The following SEPTIN2 variants were observed in gnomAD, a reference collection of about 807,000 sequenced individuals.
The protein encoded by SEPTIN2 is septin-2.
Under a neutral mutation model 46.5 loss-of-function variants are expected in SEPTIN2, and 34 were observed. The observed-to-expected ratio is 0.73, with a 90% CI of 0.56 to 0.97. The LOEUF is 0.97. Ranked by LOEUF, SEPTIN2 falls within the 50% of genes least tolerant of loss-of-function variation. SEPTIN2 has a pLI of 0.00. For synonymous variants in SEPTIN2, 175 were observed against 153.4 expected, an observed-to-expected ratio of 1.14 and a Z score of -1.04; for missense variants, 347 against 448.4, an observed-to-expected ratio of 0.77 and a Z score of 2.04.
chr2:241,343,828 A>C lies in SEPTIN2; in HGVS notation c.773A>C (p.Tyr258Ser). 2 of 1,614,150 alleles carry C rather than the reference A, an allele frequency of 1.2e-6. No individual in the cohort carries two copies. The highest frequency in any genetic ancestry group is 1.7e-6 in the Non-Finnish European group (2 of 1,180,020). The change falls in exon 9 of 13, where the codon TAC (tyrosine) becomes TCC (serine). Residue 258 changes from tyrosine (Y) to serine (S), a missense_variant. Coordinates refer to ENST00000391971, the MANE Select transcript of SEPTIN2 (RefSeq NM_004404.5). ...AKGKKVRGRL[Y>S]PWGVVEVENP... ...GGAAAGAAGGTCAGAGGCCGCCTCT[A>C]CCCCTGGGGTGTTGTGGAAGTGGAG... is the stretch of plus-strand genomic sequence containing the variant.
chr2:241,335,226 T>A lies in SEPTIN2; in HGVS notation c.217+14T>A. 2.5e-6 allele frequency: 4 copies of A among 1,609,860 alleles called. No individual in the cohort carries two copies. Among genetic ancestry groups the A allele is most frequent in the East Asian group, 2.2e-5 (1 of 44,864 alleles). On this transcript the variant is annotated intron_variant, in intron 4 of 12. Transcript: ENST00000391971. ...CTGGAGCAGCAGGTAAAAACATTCT[T>A]ATGTTACTGTAAGTGTAATTCTACA...
chr2:241,317,861 G>T (rs1055566171), intron 1 of SEPTIN2, among the ~76,000 whole-genome samples: 1 of 152,138 alleles, frequency 6.6e-6, no homozygotes, highest in African/African-American at 2.4e-5. Flanking sequence ...TGTGGGTCAA[G>T]ATTAAAGAAC....
intron 1 of SEPTIN2, chr2:241,316,659 A>T (rs1262431329): frequency 2.6e-6 from 2 of 777,526 alleles, no homozygotes; most frequent in Non-Finnish European, 3.8e-6. Context: ...TGGAGTCCCA[A>T]CTGTGACCTG....
intron 10 of SEPTIN2, among the ~76,000 whole-genome samples, chr2:241,347,594 T>G (rs2060376018): frequency 6.6e-6 from 1 of 152,232 alleles, no homozygotes; most frequent in Non-Finnish European, 1.5e-5. Context: ...AGATAATACC[T>G]ATTTTTGAGT....
In SEPTIN2 at chr2:241,336,065, C is replaced by G; in HGVS notation, c.308C>G (p.Pro103Arg). ...CTACGCCTGACAGTGGTAGATACCC[C>G]TGGCTATGGTGACGCTATCAACTGC... The part of the protein sequence containing the change: ...VKLRLTVVDT[P>R]GYGDAINCRD... The change falls in exon 5 of 13, where the codon CCT (proline) becomes CGT (arginine). Residue 103 changes from proline (P) to arginine (R), a missense_variant. Transcript: ENST00000391971. The G allele has an allele frequency of 6.2e-7, 1 of 1,614,186 alleles. No homozygotes were observed. The highest frequency in any genetic ancestry group is 1.1e-5 in the South Asian group (1 of 91,092).
In SEPTIN2 at chr2:241,352,182, TTTC is replaced by T. The variant is rs1190071204; in HGVS notation, c.*248_*250del. 1 of 152,692 alleles carries T rather than the reference TTTC, an allele frequency of 6.5e-6. No homozygotes were observed. The highest frequency in any genetic ancestry group is 2.4e-5 in the African/African-American group (1 of 41,460). 9.5% of individuals were successfully genotyped at this position (152,692 alleles called of 1,614,324 possible). On this transcript the variant is annotated 3_prime_UTR_variant, in exon 13 of 13. Transcript: ENST00000391971. ...TGTTTTGTGAGGTGAATGTCTTCCT[TTTC>T]TTTCTCCCTAACCACTAATGTTAGA...
intron 3 of SEPTIN2, among the ~76,000 whole-genome samples, chr2:241,328,303 A>T (rs564986977): frequency 6.6e-6 from 1 of 152,088 alleles, no homozygotes; most frequent in South Asian, 2.1e-4. Flanking sequence ...GTGGTGGTGC[A>T]TGCCTGTGAC....
chr2:241,327,703 A>G (rs1460386739), intron 3 of SEPTIN2, among the ~76,000 whole-genome samples: 1 of 151,962 alleles, frequency 6.6e-6, no homozygotes, highest in East Asian at 1.9e-4. Context: ...AGAAAAGCAC[A>G]CCAAAGCCTG....
At chr2:241,321,479 CCTG>C (rs1345059380) in intron 1 of SEPTIN2, among the ~76,000 whole-genome samples, 1 of 152,118 alleles carries the variant, frequency 6.6e-6, no homozygotes, top group African/African-American at 2.4e-5. Flanking sequence ...TTTGCACTAG[CCTG>C]CTATTTTTTA....
intron 7 of SEPTIN2, among the ~76,000 whole-genome samples, chr2:241,338,802 C>CATATTATATTTATATTTATATATAATAT (rs2080646901): frequency 2.5e-5 from 2 of 81,260 alleles, no homozygotes; most frequent in African/African-American, 5.3e-5. Flanking sequence ...ATATATAATA[C>CATATTATATTTATATTTATATATAATAT]ATATTATATT....
Position 241,337,463 on chromosome 2 carries a change from C to T in SEPTIN2, c.423C>T (p.Ile141=). 4 of 1,614,016 alleles carry T rather than the reference C, an allele frequency of 2.5e-6. No individual in the cohort carries two copies. Among genetic ancestry groups the T allele is most frequent in the Non-Finnish European group, 3.4e-6 (4 of 1,179,964 alleles). ...HDESGLNRRH[I]IDNRVHCCFY... ...AGAGCGGCTTGAACAGGCGGCACAT[C>T]ATTGATAATAGGGTGCATTGTTGCT... The change falls in exon 6 of 13, where the codon ATC becomes ATT. Residue 141 remains isoleucine (I), a synonymous_variant. Transcript: ENST00000391971.
chr2:241,346,385 G>T (rs568160339), intron 10 of SEPTIN2, 136 bp downstream of exon 10: 32 of 560,192 alleles, frequency 5.7e-5, no homozygotes, highest in Middle Eastern at 3.1e-4. Context: ...TATTATAAAA[G>T]AGTTGTTAAT....
chr2:241,348,143 G>A lies in SEPTIN2; in HGVS notation c.936G>A (p.Glu312=), dbSNP rs1055539495. The A allele has an allele frequency of 6.2e-7, 1 of 1,612,408 alleles. No individual in the cohort carries two copies. The highest frequency in any genetic ancestry group is 8.5e-7 in the Non-Finnish European group (1 of 1,179,088). The change falls in exon 11 of 13, where the codon GAG becomes GAA. Residue 312 remains glutamate (E), a synonymous_variant. Coordinates refer to ENST00000391971, the MANE Select transcript of SEPTIN2 (RefSeq NM_004404.5). The part of the protein sequence containing the change: ...ERLKRGGRKV[E]NEDMNKDQIL... ...TTCTTTCGATTCTTAGGAAAGTGGA[G>A]AATGAGGACATGAATAAAGACCAGA... is the stretch of plus-strand genomic sequence containing the variant.
chr2:241,343,737 T>A lies in SEPTIN2; in HGVS notation c.697-15T>A. The A allele has an allele frequency of 1.2e-6, 2 of 1,614,006 alleles. No individual in the cohort carries two copies. The highest frequency in any genetic ancestry group is 1.7e-6 in the Non-Finnish European group (2 of 1,179,920). ...CCCTGTGTGGAGCCTGTCTACTCTG[T>A]GTGTCTCTTTCTAGGCTAGCATCCC... On this transcript the variant is annotated splice_polypyrimidine_tract_variant and intron_variant, in intron 8 of 12. Coordinates refer to ENST00000391971, the MANE Select transcript of SEPTIN2 (RefSeq NM_004404.5).
At chr2:241,337,878 G>C in intron 7 of SEPTIN2, 88 bp downstream of exon 7, 1 of 866,828 alleles carries the variant, frequency 1.2e-6, no homozygotes, top group Non-Finnish European at 1.8e-6. Context: ...CGCTCAGTCT[G>C]CTCAGGTGTC....
chr2:241,348,310 C>A, intron 11 of SEPTIN2, 119 bp downstream of exon 11: 7 of 597,636 alleles, frequency 1.2e-5, no homozygotes, highest in Non-Finnish European at 2.0e-5. Context: ...TCACTGCAAC[C>A]TCTGCCTCCC....
At chr2:241,324,477 T>C in intron 2 of SEPTIN2, 1 of 497,298 alleles carries the variant, frequency 2.0e-6, no homozygotes, top group South Asian at 1.9e-5. Context: ...AACTTCTGCC[T>C]CCCACGTTCA....
In SEPTIN2 at chr2:241,337,404, A is replaced by G. The variant is rs750524817; in HGVS notation, c.364A>G (p.Ile122Val). The change falls in exon 6 of 13, where the codon ATT becomes GTT. Residue 122 changes from isoleucine to valine, a missense_variant. Transcript: ENST00000391971. ...CAGTTTTAAGACAATTATCTCCTAT[A>G]TTGATGAGCAATTTGAGAGGTACCT... ...RDCFKTIISY[I>V]DEQFERYLHD... 5 of 1,613,942 alleles carry G rather than the reference A, an allele frequency of 3.1e-6. No homozygotes were observed. Among genetic ancestry groups the G allele is most frequent in the East Asian group, 2.2e-5 (1 of 44,878 alleles).
intron 4 of SEPTIN2, 45 bp downstream of exon 4, chr2:241,335,257 G>A: frequency 1.2e-6 from 2 of 1,600,164 alleles, no homozygotes; most frequent in South Asian, 1.1e-5. Flanking sequence ...CTACATGAAA[G>A]ATGCTGAAGA....
Sources: gnomAD v4.1 joint callset for allele counts (sites outside exome capture counted in the v4.1 genomes callset) on GRCh38, gnomAD v4.1.1 for gene constraint, MANE v1.5 for transcripts, NCBI Gene and HGNC (gene_info 2026-07-23, HGNC 2026-07-21) for gene names.